Variants in SRRM4 observed in about 807,000 individuals in gnomAD.
SRRM4 encodes the protein serine/arginine repetitive matrix 4, also known as serine/arginine repetitive matrix protein 4.
In SRRM4, 33 loss-of-function variants were observed where a neutral mutation model predicts 68.9. The observed-to-expected ratio is 0.48, with a 90% CI of 0.36 to 0.64. The LOEUF (loss-of-function observed/expected upper bound fraction) is 0.64, where lower values mean the gene tolerates loss of function less well. Ranked by LOEUF, SRRM4 falls within the 30% of genes least tolerant of loss-of-function variation. SRRM4 has a pLI of 0.00. For synonymous variants in SRRM4, 318 were observed against 318.8 expected (o/e 1.00, Z 0.03); for missense variants, 817 against 827.1 (o/e 0.99, Z 0.15).
intron 1 of SRRM4, among the ~76,000 whole-genome samples, chr12:119,073,010 C>T (rs1019868707): frequency 4.6e-5 from 7 of 151,380 alleles, no homozygotes; most frequent in South Asian, 2.1e-4. Context: ...TGAGATAGGA[C>T]GAACAGCTAA....
rs1185496603 is a variant in SRRM4 at position 119,160,277 on chromosome 12, G to GTCTCTC, written c.*3485_*3490dup. ...TCTCTCTCTCTCTGTCTCTCTCTCT[G>GTCTCTC]TCTCTCTCTCTGTCTCTCTCTCTCT... On this transcript the variant is annotated 3_prime_UTR_variant, in exon 13 of 13. Coordinates refer to ENST00000267260, the MANE Select transcript of SRRM4 (RefSeq NM_194286.4). 73 of 131,092 alleles carry GTCTCTC rather than the reference G, an allele frequency of 5.6e-4. No homozygotes were observed. Among genetic ancestry groups the GTCTCTC allele is most frequent in the African/African-American group, 2.1e-3 (72 of 34,426 alleles). The allele number at this position is 131,092 out of a possible 1,614,324, so 8.1% of individuals were successfully genotyped here.
chr12:119,039,078 A>G (rs927428263), intron 1 of SRRM4, among the ~76,000 whole-genome samples: 13 of 152,228 alleles, frequency 8.5e-5, no homozygotes, highest in Admixed American at 8.5e-4. Context: ...TTCAAACGCA[A>G]CAAGCATCAT....
intron 1 of SRRM4, among the ~76,000 whole-genome samples, chr12:119,033,040 T>C (rs532393016): frequency 1.1e-4 from 16 of 152,320 alleles, no homozygotes; most frequent in African/African-American, 3.1e-4. Flanking sequence ...TATTTTATTG[T>C]TGACTTTTTT....
chr12:119,056,537 C>T (rs1410865848), intron 1 of SRRM4, among the ~76,000 whole-genome samples: 1 of 152,186 alleles, frequency 6.6e-6, no homozygotes, highest in Non-Finnish European at 1.5e-5. Flanking sequence ...CTGGTGCCTG[C>T]CCACCTCTCT....
chr12:119,141,223 G>A (rs954086965), intron 8 of SRRM4, among the ~76,000 whole-genome samples: 5 of 152,198 alleles, frequency 3.3e-5, no homozygotes, highest in South Asian at 4.1e-4. Context: ...GATTACAGGC[G>A]TGAGCCACCA....
chr12:119,090,007 C>T (rs960561079), intron 1 of SRRM4, among the ~76,000 whole-genome samples: 1 of 152,082 alleles, frequency 6.6e-6, no homozygotes, highest in African/African-American at 2.4e-5. Flanking sequence ...CAGGAAGCAG[C>T]AAAGCAGATT....
At chr12:119,032,741 G>C (rs1953599770) in intron 1 of SRRM4, among the ~76,000 whole-genome samples, 1 of 152,142 alleles carries the variant, frequency 6.6e-6, no homozygotes, top group African/African-American at 2.4e-5. Flanking sequence ...AGGTTGGAAA[G>C]ATCTTACTCT....
intron 1 of SRRM4, among the ~76,000 whole-genome samples, chr12:119,095,001 C>A (rs1954034728): frequency 6.6e-6 from 1 of 152,216 alleles, no homozygotes; most frequent in Admixed American, 6.5e-5. Context: ...GCCCCTATAT[C>A]CAAACGATGT....
intron 1 of SRRM4, among the ~76,000 whole-genome samples, chr12:119,010,724 C>T (rs1953443773): frequency 6.6e-6 from 1 of 152,158 alleles, no homozygotes; most frequent in Non-Finnish European, 1.5e-5. Context: ...GAGGTGAGTT[C>T]AAGAGTGTTT....
rs560688072 is a variant in SRRM4 at position 119,065,682 on chromosome 12, G to A, written c.132-36554G>A. Among the ~76,000 whole-genome samples, 212 of 152,290 alleles carry A rather than the reference G, an allele frequency of 1.4e-3. 1 individual carries two copies. Among genetic ancestry groups the A allele is most frequent in the African/African-American group, 4.9e-3 (203 of 41,554 alleles). The stretch of plus-strand genomic sequence containing the variant: ...CCCATAAGGAGGAGCTTGCAGGGAG[G>A]CAGAGGTTGCAGTGAGCCGAGATTG... On this transcript the variant is annotated intron_variant, in intron 1 of 12. Transcript: ENST00000267260.
intron 1 of SRRM4, among the ~76,000 whole-genome samples, chr12:119,062,278 G>T (rs1387749466): frequency 6.6e-6 from 1 of 152,236 alleles, no homozygotes; most frequent in African/African-American, 2.4e-5. Context: ...TGCTCCTGGT[G>T]AGCCAGGGAG....
chr12:119,064,931 C>A (rs1036912181), intron 1 of SRRM4, among the ~76,000 whole-genome samples: 3 of 152,094 alleles, frequency 2.0e-5, no homozygotes, highest in Admixed American at 2.0e-4. Flanking sequence ...GAGCGAACTG[C>A]CCCCATGAAT....
chr12:119,152,255 G>T (rs960235877), intron 10 of SRRM4, among the ~76,000 whole-genome samples: 4 of 152,072 alleles, frequency 2.6e-5, no homozygotes, highest in African/African-American at 9.7e-5. Flanking sequence ...CTCAAGACTG[G>T]TCCATTCCAA....
intron 1 of SRRM4, among the ~76,000 whole-genome samples, chr12:119,097,037 G>A (rs117152198): frequency 1.7e-3 from 260 of 152,322 alleles, no homozygotes; most frequent in Non-Finnish European, 2.9e-3. Flanking sequence ...TTCGGCACTC[G>A]TGGCTCCCTC....
chr12:119,153,535 C>T lies in SRRM4; in HGVS notation c.1281-4C>T. The T allele has an allele frequency of 2.6e-6, 4 of 1,559,690 alleles. No homozygotes were observed. The highest frequency in any genetic ancestry group is 8.7e-7 in the Non-Finnish European group (1 of 1,151,334). On this transcript the variant is annotated splice_region_variant and splice_polypyrimidine_tract_variant and intron_variant, in intron 10 of 12. Coordinates refer to ENST00000267260, the MANE Select transcript of SRRM4 (RefSeq NM_194286.4). ...CTCCTCAGAGGCTGTTACCTCTCCC[C>T]CAGGTCCTACTCCCGCTCTCCCAGC...
rs75034707 is a variant in SRRM4 at position 118,985,204 on chromosome 12, G to A, written c.131+3191G>A. Among the ~76,000 whole-genome samples, 18 of 152,320 alleles carry A rather than the reference G, an allele frequency of 1.2e-4. 1 individual carries two copies. The East Asian group carries it at 3.5e-3, about 29-fold the overall frequency. The stretch of plus-strand genomic sequence containing the variant: ...TTCAGATGAAGTTAACACACATGAG[G>A]CAGGGTAGAGAGTGGTCCCATAATC... On this transcript the variant is annotated intron_variant, in intron 1 of 12. Transcript: ENST00000267260.
intron 1 of SRRM4, among the ~76,000 whole-genome samples, chr12:119,032,579 G>C (rs1222994088): frequency 1.3e-5 from 2 of 152,102 alleles, no homozygotes; most frequent in Non-Finnish European, 2.9e-5. Flanking sequence ...TTTGGTAATA[G>C]TTTATTAATA....
chr12:119,004,565 G>A (rs1183490630), intron 1 of SRRM4, among the ~76,000 whole-genome samples: 2 of 151,976 alleles, frequency 1.3e-5, no homozygotes, highest in African/African-American at 4.8e-5. Context: ...GCAGCTCACA[G>A]ATGGATTGAG....
At chr12:119,108,622 A>G (rs61938020) in intron 2 of SRRM4, among the ~76,000 whole-genome samples, 8,905 of 150,908 alleles carry the variant, frequency 0.059, 327 homozygotes, top group Middle Eastern at 0.12. Flanking sequence ...GTTTTATCAG[A>G]GACTAGGATT....
Sources: allele counts gnomAD v4.1 joint callset (sites outside exome capture counted in the v4.1 genomes callset), GRCh38; gene constraint gnomAD v4.1.1; transcripts MANE v1.5; gene names NCBI Gene and HGNC (gene_info 2026-07-23, HGNC 2026-07-21).